Variants in PVR observed in about 807,000 individuals in gnomAD.
The protein encoded by PVR is PVR cell adhesion molecule.
Under a neutral mutation model 43.3 loss-of-function variants are expected in PVR, and 39 were observed. The observed-to-expected ratio is 0.90, with a 90% CI of 0.70 to 1.18. The LOEUF (loss-of-function observed/expected upper bound fraction) is 1.18. PVR is among the 50% of genes most tolerant of loss of function. The probability of loss-of-function intolerance (pLI) is 0.00; values close to 1 mark genes in which losing one functional copy is unlikely to be tolerated. For missense variants in PVR, 480 were observed against 549.7 expected (o/e 0.87, Z 1.27); for synonymous variants, 224 against 233.2 (o/e 0.96, Z 0.36).
In PVR at chr19:44,644,136, G is replaced by A; in HGVS notation, c.40G>A (p.Val14Met). 2 of 1,520,446 alleles carry A rather than the reference G, an allele frequency of 1.3e-6. No individual in the cohort carries two copies. The highest frequency in any genetic ancestry group is 1.8e-6 in the Non-Finnish European group (2 of 1,139,468). 94.2% of individuals were successfully genotyped at this position (1,520,446 alleles called of 1,614,324 possible). The change falls in exon 1 of 8, where the codon GTG becomes ATG. Residue 14 changes from valine (V) to methionine (M), a missense_variant. Transcript: ENST00000425690. ...AMAAAWPLLL[V>M]ALLVLSWPPP... Reference sequence around the variant, plus strand: ...GGCCGCCGCGTGGCCGCTGCTGCTGGTGGCGCTACTGGTGCTGTCCTGGCC... The same window carrying A: ...GGCCGCCGCGTGGCCGCTGCTGCTGATGGCGCTACTGGTGCTGTCCTGGCC...
intron 4 of PVR, among the ~76,000 whole-genome samples, chr19:44,655,083 T>G (rs1973403234): frequency 6.6e-6 from 1 of 152,180 alleles, no homozygotes; most frequent in South Asian, 2.1e-4. Flanking sequence ...TTACATAATT[T>G]TACTGAACCG....
intron 6 of PVR, among the ~76,000 whole-genome samples, chr19:44,659,744 A>G (rs1973547020): frequency 6.6e-6 from 1 of 152,132 alleles, no homozygotes; most frequent in Non-Finnish European, 1.5e-5. Flanking sequence ...AGCCTCCCAA[A>G]GTGCTGGGAT....
chr19:44,643,999 G>A lies in PVR; in HGVS notation c.-98G>A. The A allele has an allele frequency of 3.0e-6, 3 of 1,007,204 alleles. No homozygotes were observed. Among genetic ancestry groups the A allele is most frequent in the South Asian group, 1.7e-5 (1 of 59,352 alleles). 62.4% of individuals were successfully genotyped at this position (1,007,204 alleles called of 1,614,324 possible). On this transcript the variant is annotated 5_prime_UTR_variant, in exon 1 of 8. Coordinates refer to ENST00000425690, the MANE Select transcript of PVR (RefSeq NM_006505.5). ...GCCCCCCGGGGATTCCAGGACCTGA[G>A]CTCCGGGAGCTGGACTCGCAGCGAC... is the stretch of plus-strand genomic sequence containing the variant.
chr19:44,654,455 G>A (rs571491132), intron 4 of PVR, among the ~76,000 whole-genome samples: 96 of 152,348 alleles, frequency 6.3e-4, no homozygotes, highest in Non-Finnish European at 2.9e-4. Context: ...TCTGTTTTGC[G>A]GTTGAGGCGT....
intron 5 of PVR, among the ~76,000 whole-genome samples, chr19:44,658,507 C>T (rs1330452030): frequency 6.6e-6 from 1 of 152,154 alleles, no homozygotes; most frequent in Non-Finnish European, 1.5e-5. Flanking sequence ...CAGCTTAGGC[C>T]ACAGCCCACC....
chr19:44,644,495 G>A (rs1179329226), intron 1 of PVR, among the ~76,000 whole-genome samples: 1 of 152,068 alleles, frequency 6.6e-6, no homozygotes, highest in African/African-American at 2.4e-5. Context: ...AAAGGCAAGT[G>A]AATCCCGGAA....
rs569299905 is a variant in PVR at position 44,665,196 on chromosome 19, C to T, written c.*3385C>T. The T allele has an allele frequency of 3.0e-4, 45 of 152,216 alleles. No individual in the cohort carries two copies. Among genetic ancestry groups the T allele is most frequent in the African/African-American group, 9.9e-4 (41 of 41,518 alleles). 9.4% of individuals were successfully genotyped at this position (152,216 alleles called of 1,614,324 possible). A position where few individuals can be genotyped will look rare whatever the true frequency, so the allele number is the denominator to read the frequency against. ...GATGGAGATCATAAGGAGGCTAAAA[C>T]ACTCCACACCCTCCCTCTGCATTGC... On this transcript the variant is annotated 3_prime_UTR_variant, in exon 8 of 8. Transcript: ENST00000425690.
chr19:44,658,720 TA>T, intron 5 of PVR, 21 bp from the exon 6 acceptor site: 1 of 1,578,090 alleles, frequency 6.3e-7, no homozygotes, highest in Non-Finnish European at 8.7e-7. Context: ...CTTACCTAAA[TA>T]CCTGTTTCCT....
Position 44,644,169 on chromosome 19 carries a change from G to T in PVR, c.73G>T (p.Gly25Ter). 6.6e-7 allele frequency: 1 copy of T among 1,503,976 alleles called. No homozygotes were observed. The allele number at this position is 1,503,976 out of a possible 1,614,324, so 93.2% of individuals were successfully genotyped here. ...ALLVLSWPPPGTGDVVVQAPT... is the reference protein window; with the variant it reads ...ALLVLSWPPP ...ACTGGTGCTGTCCTGGCCACCCCCA[G>T]GAACCGGTGAGTGACCCCCGCGCAG... Residue 25 changes from glycine to a stop codon, truncating the protein, a stop_gained, in exon 1 of 8, where the codon GGA becomes TGA. Transcript: ENST00000425690. LOFTEE classifies it high-confidence loss of function.
intron 1 of PVR, among the ~76,000 whole-genome samples, chr19:44,645,656 G>T (rs570557190): frequency 6.6e-6 from 1 of 150,904 alleles, no homozygotes; most frequent in Non-Finnish European, 1.5e-5. Flanking sequence ...ACAGGGTTTC[G>T]CTATGCTGCC....
intron 6 of PVR, among the ~76,000 whole-genome samples, chr19:44,660,553 T>A (rs1973566012): frequency 2.0e-5 from 3 of 152,138 alleles, no homozygotes; most frequent in African/African-American, 7.2e-5. Context: ...AAGATCTTGC[T>A]CTGTTGCCCA....
At chr19:44,657,190 AACACCCTGG>A (rs1281245903) in intron 4 of PVR, among the ~76,000 whole-genome samples, 1 of 152,134 alleles carries the variant, frequency 6.6e-6, no homozygotes, top group Non-Finnish European at 1.5e-5. Flanking sequence ...TGCATAAGCA[AACACCCTGG>A]ACACCTAACT....
chr19:44,653,810 G>A (rs1045684652), intron 3 of PVR, 90 bp from the exon 4 acceptor site: 27 of 851,128 alleles, frequency 3.2e-5, no homozygotes, highest in Middle Eastern at 4.5e-4. Flanking sequence ...AAATATCCCC[G>A]GGCCTTTTCC....
chr19:44,653,378 T>C (rs1973335125), intron 3 of PVR, among the ~76,000 whole-genome samples: 1 of 148,506 alleles, frequency 6.7e-6, no homozygotes, highest in Admixed American at 6.8e-5. Context: ...TGTCACTGGG[T>C]CTGAGCGAGG....
intron 3 of PVR, 62 bp from the exon 4 acceptor site, chr19:44,653,838 C>T (rs996972332): frequency 2.4e-5 from 28 of 1,156,330 alleles, no homozygotes; most frequent in Middle Eastern, 2.0e-4. Flanking sequence ...TCGTGAATCC[C>T]GCGTAGCCCC....
intron 1 of PVR, among the ~76,000 whole-genome samples, chr19:44,645,405 T>C (rs1973082215): frequency 1.5e-5 from 1 of 68,050 alleles, no homozygotes; most frequent in Admixed American, 2.1e-4. Context: ...TATTTATTTA[T>C]ATGTTTTGTG....
At chr19:44,651,842 G>A (rs1973287798) in intron 3 of PVR, among the ~76,000 whole-genome samples, 2 of 152,156 alleles carry the variant, frequency 1.3e-5, no homozygotes, top group South Asian at 4.1e-4. Context: ...AAATTCTCCA[G>A]CGGCCACCCC....
In PVR at chr19:44,661,319, A is replaced by C; in HGVS notation, c.1178A>C (p.Asn393Thr). 6.2e-7 allele frequency: 1 copy of C among 1,613,896 alleles called. No homozygotes were observed. Among genetic ancestry groups the C allele is most frequent in the Non-Finnish European group, 8.5e-7 (1 of 1,179,812 alleles). Residue 393 changes from asparagine to threonine, a missense_variant, in exon 7 of 8, where the codon AAT (asparagine) becomes ACT (threonine). By Grantham distance (65) the Asn-to-Thr change is moderately conservative (BLOSUM62 0). Coordinates refer to ENST00000425690, the MANE Select transcript of PVR (RefSeq NM_006505.5). ...ACAGAGCATGCCAGCGCCTCAGCTAATGGGGTAAGTGCAGTGTTGGAGCTA... is the reference window on the plus strand; with the variant it reads ...ACAGAGCATGCCAGCGCCTCAGCTACTGGGGTAAGTGCAGTGTTGGAGCTA... The part of the protein sequence containing the change: ...SSTEHASASA[N>T]GHVSYSAVSR...
Position 44,660,025 on chromosome 19 carries a change from AC to A in PVR, c.1150+1130del, listed in dbSNP as rs1568506474. On this transcript the variant is annotated intron_variant, in intron 6 of 7. Coordinates refer to ENST00000425690, the MANE Select transcript of PVR (RefSeq NM_006505.5). ...TGCCTCGTCCAGGAAGCCCTCCCTG[AC>A]CCCCAAGCATGAGCCAAGCATCCAC... 2.0e-4 allele frequency among the ~76,000 whole-genome samples: 30 copies of A among 151,968 alleles called. No individual in the cohort carries two copies. The South Asian group carries it at 6.2e-3, about 32-fold the overall frequency.
Sources: allele counts gnomAD v4.1 joint callset (sites outside exome capture counted in the v4.1 genomes callset), GRCh38; gene constraint gnomAD v4.1.1; transcripts MANE v1.5; gene names NCBI Gene and HGNC (gene_info 2026-07-23, HGNC 2026-07-21).